The following RAB4A variants were observed in gnomAD, a reference collection of about 807,000 sequenced individuals.
RAB4A encodes RAB4A, member RAS oncogene family, also known as ras-related protein Rab-4A.
In RAB4A, 20 loss-of-function variants were observed where a neutral mutation model predicts 34.5. The observed-to-expected ratio is 0.58, with a 90% confidence interval of 0.41 to 0.84. The LOEUF (loss-of-function observed/expected upper bound fraction) is 0.84. Among genes scored for constraint, RAB4A ranks in the 40% least tolerant of loss-of-function variants. RAB4A has a pLI of 0.00. For missense variants in RAB4A, 228 were observed against 274.5 expected (o/e 0.83, Z 1.20); for synonymous variants, 102 against 100.0 (o/e 1.02, Z -0.12).
Position 229,305,361 on chromosome 1 carries a change from C to G in RAB4A, c.*1568C>G. ...TGCATGGGATAGGAGCATGTCTATT[C>G]TAACACATCAGCTTATTCAAAAGCA... On this transcript the variant is annotated 3_prime_UTR_variant, in exon 8 of 8. Transcript: ENST00000366690. 1 of 1,349,022 alleles carries G rather than the reference C, an allele frequency of 7.4e-7. No homozygotes were observed. The highest frequency in any genetic ancestry group is 1.0e-6 in the Non-Finnish European group (1 of 1,003,720). 83.6% of individuals were successfully genotyped at this position (1,349,022 alleles called of 1,614,324 possible).
Position 229,305,403 on chromosome 1 carries a change from G to A in RAB4A, c.*1610G>A. 9.9e-7 allele frequency: 1 copy of A among 1,006,160 alleles called. No individual in the cohort carries two copies. The highest frequency in any genetic ancestry group is 3.4e-4 in the Middle Eastern group (1 of 2,960). The allele number at this position is 1,006,160 out of a possible 1,614,324, so 62.3% of individuals were successfully genotyped here. A position where few individuals can be genotyped will look rare whatever the true frequency, so the allele number is the denominator to read the frequency against. On this transcript the variant is annotated 3_prime_UTR_variant, in exon 8 of 8. Coordinates refer to ENST00000366690, the MANE Select transcript of RAB4A (RefSeq NM_004578.4). The stretch of plus-strand genomic sequence containing the variant: ...TCAAAAGCAAGAATTTTAAAAATAA[G>A]ATAAATGTAAAGTTGTTTTATAAAC...
intron 1 of RAB4A, among the ~76,000 whole-genome samples, chr1:229,285,738 A>G (rs547734548): frequency 6.6e-6 from 1 of 152,206 alleles, no homozygotes; most frequent in South Asian, 2.1e-4. Context: ...GCTATGCAGA[A>G]TTACAGTTCT....
At chr1:229,274,748 A>G (rs12119002) in intron 1 of RAB4A, among the ~76,000 whole-genome samples, 29,194 of 152,280 alleles carry the variant, frequency 0.19, 2,811 homozygotes, top group African/African-American at 0.21. Flanking sequence ...GCTGAAAAGT[A>G]TATGTAGTGG....
chr1:229,304,588 C>G lies in RAB4A; in HGVS notation c.*795C>G, dbSNP rs1657499791. The G allele has an allele frequency of 6.6e-6, 1 of 152,224 alleles. No homozygotes were observed. The highest frequency in any genetic ancestry group is 2.1e-4 in the South Asian group (1 of 4,832). The allele number at this position is 152,224 out of a possible 1,614,324, so 9.4% of individuals were successfully genotyped here. A position where few individuals can be genotyped will look rare whatever the true frequency, so the allele number is the denominator to read the frequency against. Reference sequence around the variant, plus strand: ...TCAGCAGTTGATCAAATACAATAGACCATGTAAGCTGGGGCCGCTCATCCA... The same window carrying G: ...TCAGCAGTTGATCAAATACAATAGAGCATGTAAGCTGGGGCCGCTCATCCA... On this transcript the variant is annotated 3_prime_UTR_variant, in exon 8 of 8. Transcript: ENST00000366690.
At chr1:229,298,623 TGAA>T (rs1371405775) in intron 5 of RAB4A, among the ~76,000 whole-genome samples, 2 of 152,220 alleles carry the variant, frequency 1.3e-5, no homozygotes, top group Non-Finnish European at 2.9e-5. Context: ...TCAGATTGTT[TGAA>T]GAAGGACATT....
chr1:229,295,667 A>T (rs1657233319), intron 3 of RAB4A, among the ~76,000 whole-genome samples, 181 bp from the exon 4 acceptor site: 1 of 152,178 alleles, frequency 6.6e-6, no homozygotes, highest in African/African-American at 2.4e-5. Flanking sequence ...CAGTGATGTG[A>T]TTTCAGGCAG....
chr1:229,295,518 G>A (rs1657227212), intron 3 of RAB4A, among the ~76,000 whole-genome samples: 1 of 152,148 alleles, frequency 6.6e-6, no homozygotes, highest in Non-Finnish European at 1.5e-5. Context: ...TCGCAGAGAA[G>A]TGAGTGGATT....
intron 5 of RAB4A, 31 bp from the exon 6 acceptor site, chr1:229,298,946 A>G (rs758169869): frequency 7.3e-6 from 11 of 1,500,766 alleles, no homozygotes; most frequent in Non-Finnish European, 8.3e-6. Flanking sequence ...TCTTCTAAAC[A>G]TGACTTTATT....
Position 229,305,108 on chromosome 1 carries a change from C to T in RAB4A, c.*1315C>T. 1 of 1,558,772 alleles carries T rather than the reference C, an allele frequency of 6.4e-7. No homozygotes were observed. Among genetic ancestry groups the T allele is most frequent in the Non-Finnish European group, 8.7e-7 (1 of 1,155,380 alleles). On this transcript the variant is annotated 3_prime_UTR_variant, in exon 8 of 8. Coordinates refer to ENST00000366690, the MANE Select transcript of RAB4A (RefSeq NM_004578.4). ...TTGTTGTTTATTTTAATCAGCAGAG[C>T]ACAGAGACACATAAAAACTCTGGGA...
rs770767029 is a variant in RAB4A at position 229,295,893 on chromosome 1, C to T, written c.273C>T (p.Leu91=). 10 of 1,614,058 alleles carry T rather than the reference C, an allele frequency of 6.2e-6. No individual in the cohort carries two copies. Among genetic ancestry groups the T allele is most frequent in the East Asian group, 4.5e-5 (2 of 44,852 alleles). Residue 91 remains leucine (L), a synonymous_variant, in exon 4 of 8, where the codon CTC becomes CTT. Transcript: ENST00000366690. The part of the protein sequence containing the change: ...SYYRGAAGAL[L]VYDITSRETY... ...ACCGAGGCGCGGCCGGGGCTCTCCT[C>T]GTCTATGATATCACCAGGTAATGCC...
intron 3 of RAB4A, among the ~76,000 whole-genome samples, chr1:229,290,042 C>CA (rs780607981): frequency 3.9e-5 from 6 of 151,966 alleles, no homozygotes; most frequent in Non-Finnish European, 1.5e-5. Flanking sequence ...GAGAGATTTC[C>CA]AAAAAAATCT....
intron 1 of RAB4A, among the ~76,000 whole-genome samples, chr1:229,275,843 C>T (rs528536608): frequency 6.6e-6 from 1 of 151,208 alleles, no homozygotes; most frequent in Admixed American, 6.6e-5. Context: ...TCAGGCTGGC[C>T]TCCAAACTCC....
intron 6 of RAB4A, among the ~76,000 whole-genome samples, chr1:229,302,296 TATATATA>T (rs1657424111): frequency 1.7e-4 from 5 of 29,540 alleles, no homozygotes; most frequent in African/African-American, 4.7e-4. Flanking sequence ...TATATATATA[TATATATA>T]TATATATTTT....
Position 229,275,317 on chromosome 1 carries a change from G to A in RAB4A, c.31+3947G>A, listed in dbSNP as rs1022269627. On this transcript the variant is annotated intron_variant, in intron 1 of 7. Transcript: ENST00000366690. ...GCATCTACCAGCCAAGGAGTGCCAA[G>A]GGGTGGCTGGCAACCACCAGAAGCT... is the stretch of plus-strand genomic sequence containing the variant. 2.0e-5 allele frequency among the ~76,000 whole-genome samples: 3 copies of A among 152,300 alleles called. 1 individual carries two copies. The highest frequency in any genetic ancestry group is 3.9e-4 in the East Asian group (2 of 5,180).
chr1:229,281,816 T>TTATATATATATA (rs61184911), intron 1 of RAB4A, among the ~76,000 whole-genome samples: 53 of 140,386 alleles, frequency 3.8e-4, no homozygotes, highest in African/African-American at 1.2e-3. Flanking sequence ...CTTATCATAG[T>TTATATATATATA]TATATATATA....
intron 1 of RAB4A, among the ~76,000 whole-genome samples, chr1:229,285,557 A>T (rs941081230): frequency 6.6e-6 from 1 of 152,088 alleles, no homozygotes; most frequent in African/African-American, 2.4e-5. Flanking sequence ...AGCTACAAAC[A>T]GGGGAGCCAG....
chr1:229,281,816 T>TTATATATATATATA (rs61184911), intron 1 of RAB4A, among the ~76,000 whole-genome samples: 23 of 140,378 alleles, frequency 1.6e-4, no homozygotes, highest in African/African-American at 5.7e-4. Flanking sequence ...CTTATCATAG[T>TTATATATATATATA]TATATATATA....
intron 3 of RAB4A, 83 bp from the exon 4 acceptor site, chr1:229,295,765 A>C: frequency 7.6e-7 from 1 of 1,323,004 alleles, no homozygotes; most frequent in Non-Finnish European, 1.1e-6. Context: ...TTACAAAGCA[A>C]GCATGGGTGT....
Position 229,304,344 on chromosome 1 carries a change from A to T in RAB4A, c.*551A>T, listed in dbSNP as rs914784602. On this transcript the variant is annotated 3_prime_UTR_variant, in exon 8 of 8. Coordinates refer to ENST00000366690, the MANE Select transcript of RAB4A (RefSeq NM_004578.4). ...TGGTGTTTACGTGATCCACACTTGA[A>T]ATACTAGATCAGTAGACATTCACTA... 2.6e-5 allele frequency: 4 copies of T among 152,140 alleles called. No individual in the cohort carries two copies. Among genetic ancestry groups the T allele is most frequent in the African/African-American group, 9.7e-5 (4 of 41,414 alleles). 9.4% of individuals were successfully genotyped at this position (152,140 alleles called of 1,614,324 possible).
Sources: allele counts gnomAD v4.1 joint callset (sites outside exome capture counted in the v4.1 genomes callset), GRCh38; gene constraint gnomAD v4.1.1; transcripts MANE v1.5; gene names NCBI Gene and HGNC (gene_info 2026-07-23, HGNC 2026-07-21).